The following CDH13 variants were observed in gnomAD, a reference collection of about 807,000 sequenced individuals.
CDH13 encodes the protein cadherin-13.
CDH13 carries 24 observed loss-of-function variants against 63.8 expected under a neutral mutation model. The ratio of observed to expected loss-of-function variants is 0.38; its 90% confidence interval spans 0.27 to 0.53. The LOEUF (loss-of-function observed/expected upper bound fraction) is 0.53. Among genes scored for constraint, CDH13 ranks in the 20% least tolerant of loss-of-function variants. The pLI, the probability that CDH13 is intolerant of heterozygous loss-of-function variation, is 0.85. For synonymous variants in CDH13, 503 were observed against 355.3 expected (o/e 1.42, Z -4.67); for missense variants, 1,049 against 903.1 (o/e 1.16, Z -2.07).
At chr16:83,529,955 C>T (rs1369310120) in intron 7 of CDH13, among the ~76,000 whole-genome samples, 2 of 152,056 alleles carry the variant, frequency 1.3e-5, no homozygotes, top group Non-Finnish European at 2.9e-5. Flanking sequence ...AGTAGGAGTG[C>T]AAAAGAACTT....
At chr16:83,143,521 C>A (rs1432210317) in intron 4 of CDH13, among the ~76,000 whole-genome samples, 1 of 152,132 alleles carries the variant, frequency 6.6e-6, no homozygotes, top group African/African-American at 2.4e-5. Context: ...AATATTTTGA[C>A]AATGTGAACT....
At chr16:82,802,693 G>C (rs980977796) in intron 1 of CDH13, among the ~76,000 whole-genome samples, 6 of 152,182 alleles carry the variant, frequency 3.9e-5, no homozygotes, top group Admixed American at 6.5e-5. Flanking sequence ...GACAGGAACA[G>C]TTACTGGATT....
At chr16:83,654,450 T>C (rs903402074) in intron 8 of CDH13, among the ~76,000 whole-genome samples, 1 of 151,760 alleles carries the variant, frequency 6.6e-6, no homozygotes, top group Non-Finnish European at 1.5e-5. Context: ...AGGTCCTGTA[T>C]AGGACAATGT....
intron 7 of CDH13, among the ~76,000 whole-genome samples, chr16:83,532,621 T>G (rs906906615): frequency 6.6e-6 from 1 of 152,252 alleles, no homozygotes; most frequent in African/African-American, 2.4e-5. Flanking sequence ...TCAAGTAGCC[T>G]ATCAGCTCCA....
At position 82,771,194 on chromosome 16, in the gene CDH13, T is replaced by A. The variant is rs1298297480; in HGVS notation, c.46-87168T>A. On this transcript the variant is annotated intron_variant, in intron 1 of 13. Transcript: ENST00000567109. ...ACAAGTCAGACCCAGAATATTTAGC[T>A]CTTCCTTTGTGTTCATTCACTGAAA... 2.6e-5 allele frequency among the ~76,000 whole-genome samples: 4 copies of A among 152,238 alleles called. No individual in the cohort carries two copies. The South Asian group carries it at 8.3e-4, about 32-fold the overall frequency.
At chr16:82,788,343 C>T (rs1469903997) in intron 1 of CDH13, among the ~76,000 whole-genome samples, 1 of 152,116 alleles carries the variant, frequency 6.6e-6, no homozygotes, top group Non-Finnish European at 1.5e-5. Flanking sequence ...CAGCAGGTGC[C>T]CAGGAGATGG....
intron 1 of CDH13, among the ~76,000 whole-genome samples, chr16:82,663,352 A>G (rs1342141074): frequency 6.6e-6 from 1 of 151,978 alleles, no homozygotes; most frequent in Non-Finnish European, 1.5e-5. Flanking sequence ...AGGCCCGGCT[A>G]ATTTTGTATT....
chr16:82,780,949 C>T (rs1487601294), intron 1 of CDH13, among the ~76,000 whole-genome samples: 1 of 152,256 alleles, frequency 6.6e-6, no homozygotes, highest in East Asian at 1.9e-4. Flanking sequence ...GGGAGGAAAT[C>T]ACTGTGACTT....
chr16:83,372,698 GC>G (rs1388574214), intron 6 of CDH13, among the ~76,000 whole-genome samples: 1 of 147,748 alleles, frequency 6.8e-6, no homozygotes, highest in African/African-American at 2.5e-5. Context: ...GTTGCAGTGA[GC>G]CGAGGTGGTG....
At chr16:82,851,825 C>G (rs995106609) in intron 1 of CDH13, among the ~76,000 whole-genome samples, 1 of 152,186 alleles carries the variant, frequency 6.6e-6, no homozygotes, top group African/African-American at 2.4e-5. Flanking sequence ...TCAAAATACA[C>G]TGCTGCGATA....
chr16:83,685,605 C>G (rs1423959515), intron 10 of CDH13, among the ~76,000 whole-genome samples: 1 of 152,108 alleles, frequency 6.6e-6, no homozygotes, highest in Non-Finnish European at 1.5e-5. Flanking sequence ...GTCATAAGAG[C>G]AAGAACTTTT....
intron 8 of CDH13, among the ~76,000 whole-genome samples, chr16:83,628,010 T>G (rs1910470683): frequency 6.6e-6 from 1 of 152,170 alleles, no homozygotes; most frequent in African/African-American, 2.4e-5. Flanking sequence ...GTCATAGCGC[T>G]GGTGGGAGTG....
intron 1 of CDH13, among the ~76,000 whole-genome samples, chr16:82,820,354 C>G (rs747690888): frequency 6.6e-6 from 1 of 152,204 alleles, no homozygotes; most frequent in Non-Finnish European, 1.5e-5. Flanking sequence ...GCCTCAGATA[C>G]TGTTCTAAAT....
intron 7 of CDH13, among the ~76,000 whole-genome samples, chr16:83,531,894 C>T (rs143564692): frequency 2.0e-5 from 3 of 152,252 alleles, no homozygotes; most frequent in Non-Finnish European, 4.4e-5. Flanking sequence ...TTAGGGCAGT[C>T]ACAAGAAGCT....
chr16:83,154,754 T>G (rs889618967), intron 4 of CDH13, among the ~76,000 whole-genome samples: 1 of 152,172 alleles, frequency 6.6e-6, no homozygotes, highest in African/African-American at 2.4e-5. Context: ...CATTATACTG[T>G]GTACCATTGG....
intron 2 of CDH13, among the ~76,000 whole-genome samples, chr16:82,963,745 A>G (rs1314093590): frequency 6.6e-6 from 1 of 151,630 alleles, no homozygotes; most frequent in Admixed American, 6.6e-5. Flanking sequence ...CTGGATGATT[A>G]CTCTGCATGT....
rs6565098 is a variant in CDH13, at chr16:82,999,362, C to G, written c.158-32648C>G. Among the ~76,000 whole-genome samples the G allele has an allele frequency of 2.3e-3, 353 of 152,094 alleles. 3 individuals carry two copies. The highest frequency in any genetic ancestry group is 8.1e-3 in the African/African-American group (335 of 41,452). On this transcript the variant is annotated intron_variant, in intron 2 of 13. Transcript: ENST00000567109. The stretch of plus-strand genomic sequence containing the variant: ...ACCGAAATGTTGTATGACAAACTCC[C>G]AATAACAGGATTTAAGAGAATACCA...
rs58607564 is a variant in CDH13, at chr16:83,499,065, G to A, written c.960+12410G>A. 8.4e-3 allele frequency among the ~76,000 whole-genome samples: 1,276 copies of A among 152,310 alleles called. 10 individuals are homozygous for A. Among genetic ancestry groups the A allele is most frequent in the African/African-American group, 0.028 (1,181 of 41,556 alleles). ...AGAAGTTTCTTGTGATCAAATACGT[G>A]TGCAAAGATCCAGCAACAAGGGTTT... On this transcript the variant is annotated intron_variant, in intron 7 of 13. Transcript: ENST00000567109.
chr16:83,612,272 T>C (rs533760319), intron 8 of CDH13, among the ~76,000 whole-genome samples: 1 of 152,240 alleles, frequency 6.6e-6, no homozygotes, highest in East Asian at 1.9e-4. Flanking sequence ...TCTCTATCTC[T>C]GCAAATGCTT....
Sources: gnomAD v4.1 joint callset for allele counts (sites outside exome capture counted in the v4.1 genomes callset) on GRCh38, gnomAD v4.1.1 for gene constraint, MANE v1.5 for transcripts, NCBI Gene and HGNC (gene_info 2026-07-23, HGNC 2026-07-21) for gene names.